Variants in GALNT17 observed in about 807,000 individuals in gnomAD.
GALNT17 encodes the protein UDP-GalNAc:polypeptide N-acetylgalactosaminyltransferase-like 3.
In GALNT17, 29 loss-of-function variants were observed where a neutral mutation model predicts 63.7. That is an observed-to-expected ratio of 0.46 (90% confidence interval 0.34 to 0.62). The LOEUF is 0.62. Among genes scored for constraint, GALNT17 ranks in the 20% least tolerant of loss-of-function variants. The pLI, the probability that GALNT17 is intolerant of heterozygous loss-of-function variation, is 0.01. For missense variants in GALNT17, 603 were observed against 799.6 expected (o/e 0.75, Z 2.97); for synonymous variants, 305 against 318.3 (o/e 0.96, Z 0.45).
At chr7:71,469,974 T>C (rs934182457) in intron 5 of GALNT17, among the ~76,000 whole-genome samples, 2 of 152,218 alleles carry the variant, frequency 1.3e-5, no homozygotes, top group African/African-American at 4.8e-5. Flanking sequence ...TTTGGGAGGC[T>C]GAGGCGGACG....
chr7:71,429,723 T>A (rs1243813998), intron 5 of GALNT17, among the ~76,000 whole-genome samples: 2 of 152,172 alleles, frequency 1.3e-5, no homozygotes, highest in Admixed American at 6.5e-5. Flanking sequence ...TTAAATTTTT[T>A]CTTGAGACAG....
At chr7:71,631,373 T>C (rs1650356701) in intron 6 of GALNT17, among the ~76,000 whole-genome samples, 1 of 152,008 alleles carries the variant, frequency 6.6e-6, no homozygotes, top group African/African-American at 2.4e-5. Flanking sequence ...TTTAATATTT[T>C]GTAGAGAGGT....
chr7:71,330,380 G>A (rs1474274998), intron 1 of GALNT17, among the ~76,000 whole-genome samples: 2 of 151,330 alleles, frequency 1.3e-5, no homozygotes, highest in Non-Finnish European at 2.9e-5. Context: ...CCAGAGATAA[G>A]GTCTTCTTAT....
chr7:71,333,548 G>T (rs1044462592), intron 1 of GALNT17, among the ~76,000 whole-genome samples: 2 of 151,992 alleles, frequency 1.3e-5, no homozygotes, highest in African/African-American at 2.4e-5. Context: ...AGCATTTTTT[G>T]TTTTTGTTTT....
intron 5 of GALNT17, among the ~76,000 whole-genome samples, chr7:71,467,919 C>G (rs1469720517): frequency 6.6e-6 from 1 of 152,096 alleles, no homozygotes; most frequent in Admixed American, 6.5e-5. Context: ...CAAAATTACA[C>G]GGGCATCCTG....
Position 71,395,484 on chromosome 7 carries a change from T to A in GALNT17, c.589+7083T>A, listed in dbSNP as rs942941270. ...CACATTTTATTTATCTGTTTATCAGTTTAGTTGATAGACATTTGGGTTGTT... is the reference window on the plus strand; with the variant it reads ...CACATTTTATTTATCTGTTTATCAGATTAGTTGATAGACATTTGGGTTGTT... On this transcript the variant is annotated intron_variant, in intron 3 of 10. Coordinates refer to ENST00000333538, the MANE Select transcript of GALNT17 (RefSeq NM_022479.3). Among the ~76,000 whole-genome samples the A allele has an allele frequency of 2.6e-5, 4 of 152,250 alleles. No homozygotes were observed. In the South Asian group the frequency reaches 8.3e-4, roughly 31 times the overall value.
At chr7:71,594,229 G>A (rs1789854878) in intron 6 of GALNT17, among the ~76,000 whole-genome samples, 1 of 152,004 alleles carries the variant, frequency 6.6e-6, no homozygotes, top group South Asian at 2.1e-4. Context: ...GCAGGTTTGG[G>A]GTTTGCTCTA....
At chr7:71,359,800 C>G (rs1355999667) in intron 2 of GALNT17, among the ~76,000 whole-genome samples, 1 of 151,834 alleles carries the variant, frequency 6.6e-6, no homozygotes, top group Admixed American at 6.6e-5. Flanking sequence ...GCCAGGCTGG[C>G]CTCAAACTCC....
At chr7:71,386,353 T>A (rs1221007475) in intron 2 of GALNT17, among the ~76,000 whole-genome samples, 1 of 152,206 alleles carries the variant, frequency 6.6e-6, no homozygotes, top group Non-Finnish European at 1.5e-5. Context: ...CATGGCTTCA[T>A]CTGTTTTCTT....
At chr7:71,174,294 G>C (rs548374576) in intron 1 of GALNT17, among the ~76,000 whole-genome samples, 1 of 152,158 alleles carries the variant, frequency 6.6e-6, no homozygotes. Context: ...AAGAAGCCGG[G>C]GGGAGTTCCT....
At chr7:71,188,379 C>T (rs745375625) in intron 1 of GALNT17, among the ~76,000 whole-genome samples, 8 of 152,156 alleles carry the variant, frequency 5.3e-5, no homozygotes, top group African/African-American at 1.4e-4. Flanking sequence ...ACTGTAACCA[C>T]GCCAGCATCT....
chr7:71,452,099 T>C (rs941577998), intron 5 of GALNT17, among the ~76,000 whole-genome samples: 1 of 151,922 alleles, frequency 6.6e-6, no homozygotes, highest in Non-Finnish European at 1.5e-5. Flanking sequence ...ACAAGAAAAA[T>C]GATAAATAGG....
chr7:71,241,805 C>CT (rs1465913347), intron 1 of GALNT17, among the ~76,000 whole-genome samples: 1 of 152,084 alleles, frequency 6.6e-6, no homozygotes, highest in East Asian at 1.9e-4. Context: ...AGGAGGATTG[C>CT]TTGAGCCCAG....
At chr7:71,621,553 AGATG>A (rs71089967) in intron 6 of GALNT17, among the ~76,000 whole-genome samples, 6,709 of 142,856 alleles carry the variant, frequency 0.047, 278 homozygotes, top group Middle Eastern at 0.1. Context: ...ATTGATGGAT[AGATG>A]GATGGATGGA....
chr7:71,518,450 A>G (rs1217185191), intron 5 of GALNT17, among the ~76,000 whole-genome samples: 3 of 152,228 alleles, frequency 2.0e-5, no homozygotes, highest in Admixed American at 6.5e-5. Flanking sequence ...AGTATGTGCT[A>G]TGCTTTGACT....
chr7:71,392,532 T>C (rs887783718), intron 3 of GALNT17, among the ~76,000 whole-genome samples: 2 of 152,232 alleles, frequency 1.3e-5, no homozygotes, highest in Non-Finnish European at 2.9e-5. Context: ...AGCTCCTATT[T>C]GATGCTTACG....
At chr7:71,630,288 G>A (rs1306027347) in intron 6 of GALNT17, among the ~76,000 whole-genome samples, 1 of 152,146 alleles carries the variant, frequency 6.6e-6, no homozygotes, top group South Asian at 2.1e-4. Flanking sequence ...GACCATTAAG[G>A]CTCAAGATAA....
At chr7:71,581,010 AGAC>A (rs1789628114) in intron 6 of GALNT17, among the ~76,000 whole-genome samples, 1 of 152,158 alleles carries the variant, frequency 6.6e-6, no homozygotes, top group Non-Finnish European at 1.5e-5. Flanking sequence ...TATAAACAAA[AGAC>A]AGTTAATTGA....
At chr7:71,519,467 T>C (rs1026913221) in intron 5 of GALNT17, among the ~76,000 whole-genome samples, 1 of 152,114 alleles carries the variant, frequency 6.6e-6, no homozygotes, top group Admixed American at 6.6e-5. Context: ...TCCTTTAGAA[T>C]TTTTTTGGTT....
Sources: gnomAD v4.1 joint callset for allele counts (sites outside exome capture counted in the v4.1 genomes callset) on GRCh38, gnomAD v4.1.1 for gene constraint, MANE v1.5 for transcripts, NCBI Gene and HGNC (gene_info 2026-07-23, HGNC 2026-07-21) for gene names.